The following MTDH variants were observed in gnomAD, a reference collection of about 807,000 sequenced individuals.
MTDH encodes the protein metadherin.
MTDH carries 34 observed loss-of-function variants against 72.7 expected under a neutral mutation model. The ratio of observed to expected loss-of-function variants is 0.47; its 90% CI spans 0.36 to 0.62. The LOEUF (loss-of-function observed/expected upper bound fraction) is 0.62. Among genes scored for constraint, MTDH ranks in the 20% least tolerant of loss-of-function variants. MTDH has a pLI of 0.00. For missense variants in MTDH, 677 were observed against 699.4 expected (o/e 0.97, Z 0.36); for synonymous variants, 266 against 268.9 (o/e 0.99, Z 0.10).
At chr8:97,686,992 T>C (rs1813391278) in intron 3 of MTDH, among the ~76,000 whole-genome samples, 1 of 152,170 alleles carries the variant, frequency 6.6e-6, no homozygotes, top group Non-Finnish European at 1.5e-5. Context: ...TTTTGAGCAA[T>C]TAAAAAGTCA....
In MTDH at chr8:97,726,393, T is replaced by C. The variant is rs1004607524; in HGVS notation, c.*1723T>C. 2 of 152,564 alleles carry C rather than the reference T, an allele frequency of 1.3e-5. No individual in the cohort carries two copies. The highest frequency in any genetic ancestry group is 4.8e-5 in the African/African-American group (2 of 41,472). The allele number at this position is 152,564 out of a possible 1,614,324, so 9.5% of individuals were successfully genotyped here. ...AAGGATGAATTTCTTCAAATGACTTTATTCTGTTAGCTTTACATAGGTGTT... is the reference window on the plus strand; with the variant it reads ...AAGGATGAATTTCTTCAAATGACTTCATTCTGTTAGCTTTACATAGGTGTT... On this transcript the variant is annotated 3_prime_UTR_variant, in exon 12 of 12. Transcript: ENST00000336273.
At chr8:97,658,269 G>C (rs1483069346) in intron 1 of MTDH, among the ~76,000 whole-genome samples, 3 of 152,196 alleles carry the variant, frequency 2.0e-5, no homozygotes, top group African/African-American at 7.2e-5. Context: ...GATTGATGTT[G>C]CAAAGAAGGA....
chr8:97,668,867 T>C (rs1407625880), intron 2 of MTDH, among the ~76,000 whole-genome samples: 1 of 151,676 alleles, frequency 6.6e-6, no homozygotes, highest in Non-Finnish European at 1.5e-5. Flanking sequence ...GTAACAACTT[T>C]TATAAAGTTA....
intron 8 of MTDH, 104 bp downstream of exon 8, chr8:97,706,854 G>A (rs1480646314): frequency 3.6e-5 from 48 of 1,351,546 alleles, no homozygotes; most frequent in Admixed American, 4.9e-5. Flanking sequence ...TACTGTGGGA[G>A]GATTGCTTGA....
At position 97,655,475 on chromosome 8, in the gene MTDH, T is replaced by C. The variant is rs185498902; in HGVS notation, c.382-5597T>C. ...GCCTCTGAGAGGATATATTTGCTTATTATTTTTAATCCATTAACTTCCCAA... is the reference window on the plus strand; with the variant it reads ...GCCTCTGAGAGGATATATTTGCTTACTATTTTTAATCCATTAACTTCCCAA... On this transcript the variant is annotated intron_variant, in intron 1 of 11. Coordinates refer to ENST00000336273, the MANE Select transcript of MTDH (RefSeq NM_178812.4). Among the ~76,000 whole-genome samples, 256 of 152,366 alleles carry C rather than the reference T, an allele frequency of 1.7e-3. 2 individuals carry two copies. Among genetic ancestry groups the C allele is most frequent in the Middle Eastern group, 3.4e-3 (1 of 294 alleles).
chr8:97,690,133 AG>A (rs898784965), intron 5 of MTDH, among the ~76,000 whole-genome samples: 14 of 151,814 alleles, frequency 9.2e-5, no homozygotes, highest in Admixed American at 5.9e-4. Context: ...CTGGGATTAC[AG>A]GCACTTGCAA....
At chr8:97,663,673 C>T (rs1476586426) in intron 2 of MTDH, among the ~76,000 whole-genome samples, 1 of 137,182 alleles carries the variant, frequency 7.3e-6, no homozygotes, top group East Asian at 2.3e-4. Flanking sequence ...GGCGTGAATC[C>T]AGGAAGTGCA....
intron 8 of MTDH, among the ~76,000 whole-genome samples, chr8:97,713,132 T>TG (rs1191538732): frequency 1.3e-5 from 2 of 152,194 alleles, no homozygotes; most frequent in African/African-American, 4.8e-5. Flanking sequence ...TTGCCCAGGC[T>TG]GGAGTGCAGT....
chr8:97,652,215 C>T (rs1451458952), intron 1 of MTDH, among the ~76,000 whole-genome samples: 1 of 152,220 alleles, frequency 6.6e-6, no homozygotes, highest in Non-Finnish European at 1.5e-5. Context: ...AATCTCTTTC[C>T]ATGGCCCGTA....
At chr8:97,675,234 C>T (rs928354631) in intron 2 of MTDH, among the ~76,000 whole-genome samples, 1 of 152,158 alleles carries the variant, frequency 6.6e-6, no homozygotes, top group Non-Finnish European at 1.5e-5. Context: ...AGGACCAGTA[C>T]ATCCAGAATA....
chr8:97,726,162 A>G lies in MTDH; in HGVS notation c.*1492A>G, dbSNP rs1248558811. On this transcript the variant is annotated 3_prime_UTR_variant, in exon 12 of 12. Transcript: ENST00000336273. ...TTTAGTTTTGCTGAAGACTGGCCTT[A>G]TTAATGGACAGCTTTCCTAACAAGA... 1 of 152,670 alleles carries G rather than the reference A, an allele frequency of 6.6e-6. No individual in the cohort carries two copies. The highest frequency in any genetic ancestry group is 1.5e-5 in the Non-Finnish European group (1 of 68,046). The allele number at this position is 152,670 out of a possible 1,614,324, so 9.5% of individuals were successfully genotyped here. A position where few individuals can be genotyped will look rare whatever the true frequency, so the allele number is the denominator to read the frequency against.
chr8:97,647,985 C>T (rs1427225411), intron 1 of MTDH, among the ~76,000 whole-genome samples: 1 of 151,644 alleles, frequency 6.6e-6, no homozygotes. Flanking sequence ...TTCCTGATCT[C>T]TGATCTTTTC....
chr8:97,685,728 C>G (rs531157830), intron 2 of MTDH, among the ~76,000 whole-genome samples: 1 of 151,328 alleles, frequency 6.6e-6, no homozygotes, highest in African/African-American at 2.4e-5. Context: ...CCACTGCACT[C>G]CAGCCTGGGT....
At chr8:97,704,058 C>T (rs984149240) in intron 7 of MTDH, among the ~76,000 whole-genome samples, 1 of 152,170 alleles carries the variant, frequency 6.6e-6, no homozygotes, top group Non-Finnish European at 1.5e-5. Flanking sequence ...TTTAGAAATA[C>T]AGGAAGGAAC....
At chr8:97,701,416 CAAG>C (rs1202224133) in intron 7 of MTDH, among the ~76,000 whole-genome samples, 3 of 151,744 alleles carry the variant, frequency 2.0e-5, no homozygotes, top group African/African-American at 7.2e-5. Flanking sequence ...GGAATAATGA[CAAG>C]AAAAAAAAGT....
Position 97,728,920 on chromosome 8 carries a change from T to G in MTDH, c.*4250T>G, listed in dbSNP as rs1166521495. 2.0e-5 allele frequency: 3 copies of G among 151,074 alleles called. No individual in the cohort carries two copies. The highest frequency in any genetic ancestry group is 4.4e-5 in the Non-Finnish European group (3 of 67,824). 9.4% of individuals were successfully genotyped at this position (151,074 alleles called of 1,614,324 possible). A position where few individuals can be genotyped will look rare whatever the true frequency, so the allele number is the denominator to read the frequency against. Reference sequence around the variant, plus strand: ...TCTCAACCTGTAGCTTTTTTTTTTTTTCTTTTAATGAGATAGGGTCTCACT... The same window carrying G: ...TCTCAACCTGTAGCTTTTTTTTTTTGTCTTTTAATGAGATAGGGTCTCACT... On this transcript the variant is annotated 3_prime_UTR_variant, in exon 12 of 12. Coordinates refer to ENST00000336273, the MANE Select transcript of MTDH (RefSeq NM_178812.4).
chr8:97,646,456 C>T (rs1172495711), intron 1 of MTDH, among the ~76,000 whole-genome samples: 6 of 151,238 alleles, frequency 4.0e-5, no homozygotes, highest in Non-Finnish European at 1.5e-5. Context: ...GAACCTTGCT[C>T]CAAGGTAAGG....
At chr8:97,652,678 T>C (rs1811819074) in intron 1 of MTDH, among the ~76,000 whole-genome samples, 1 of 152,238 alleles carries the variant, frequency 6.6e-6, no homozygotes, top group African/African-American at 2.4e-5. Flanking sequence ...GATAATCTGT[T>C]ATTGAGTTAA....
At chr8:97,645,875 T>C (rs1301901158) in intron 1 of MTDH, among the ~76,000 whole-genome samples, 3 of 152,230 alleles carry the variant, frequency 2.0e-5, no homozygotes, top group Non-Finnish European at 4.4e-5. Flanking sequence ...CCTATTTTTA[T>C]ATCCAGCGAA....
Sources: gnomAD v4.1 joint callset for allele counts (sites outside exome capture counted in the v4.1 genomes callset) on GRCh38, gnomAD v4.1.1 for gene constraint, MANE v1.5 for transcripts, NCBI Gene and HGNC (gene_info 2026-07-23, HGNC 2026-07-21) for gene names.